Variants in CDH4 observed in about 807,000 individuals in gnomAD.
CDH4 encodes the protein cadherin-4.
A neutral mutation model predicts 86.0 loss-of-function variants in CDH4; 33 were observed. The observed-to-expected ratio is 0.38, with a 90% CI of 0.29 to 0.51. The LOEUF (loss-of-function observed/expected upper bound fraction) is 0.51, where lower values mean the gene tolerates loss of function less well. CDH4 is among the 20% of genes least tolerant of loss of function. The pLI is 0.86. For missense variants in CDH4, 1,114 were observed against 1,307.4 expected (o/e 0.85, Z 2.28); for synonymous variants, 555 against 549.4 (o/e 1.01, Z -0.14).
chr20:61,702,822 C>A (rs556417528), intron 2 of CDH4, among the ~76,000 whole-genome samples: 2 of 152,294 alleles, frequency 1.3e-5, no homozygotes, highest in East Asian at 3.9e-4. Context: ...TGCAATTAAT[C>A]TGCTGTTCCA....
intron 2 of CDH4, among the ~76,000 whole-genome samples, chr20:61,608,261 C>A (rs1048516415): frequency 6.6e-6 from 1 of 152,134 alleles, no homozygotes; most frequent in African/African-American, 2.4e-5. Flanking sequence ...ATTTCTAAGC[C>A]ACGCAGGTTG....
rs2085704163 is a variant in CDH4 at position 61,501,907 on chromosome 20, G to C, written c.170-241656G>C. On this transcript the variant is annotated intron_variant, in intron 2 of 15. Transcript: ENST00000614565. The surrounding 1 kb of genome is among the most constrained non-coding windows in gnomAD (Gnocchi z 4.2). ...CGAGAACATGTTCTCCACTCCCCCAGCTCCTCTGAGGAATGCCTGAGTGAG... is the reference window on the plus strand; with the variant it reads ...CGAGAACATGTTCTCCACTCCCCCACCTCCTCTGAGGAATGCCTGAGTGAG... Among the ~76,000 whole-genome samples the C allele has an allele frequency of 6.6e-6, 1 of 152,160 alleles. No individual in the cohort carries two copies. Among genetic ancestry groups the C allele is most frequent in the South Asian group, 2.1e-4 (1 of 4,824 alleles).
chr20:61,502,052 A>C (rs2427138), intron 2 of CDH4, among the ~76,000 whole-genome samples: 149,491 of 151,168 alleles, frequency 0.99, 73,919 homozygotes, highest in East Asian at 1. Context: ...ATGATCTTTC[A>C]TGGTCAAACT....
At chr20:61,935,715 C>T (rs1275098812) in intron 15 of CDH4, among the ~76,000 whole-genome samples, 1 of 152,152 alleles carries the variant, frequency 6.6e-6, no homozygotes, top group Non-Finnish European at 1.5e-5. Flanking sequence ...GTGAGACCCC[C>T]GTCTCTACTA....
At chr20:61,484,298 A>G (rs1033570639) in intron 2 of CDH4, among the ~76,000 whole-genome samples, 12 of 152,106 alleles carry the variant, frequency 7.9e-5, no homozygotes, top group Admixed American at 2.0e-4. Context: ...CTGAAATGCA[A>G]ATATGCACTC....
chr20:61,293,522 C>A (rs2084335005), intron 2 of CDH4, among the ~76,000 whole-genome samples: 3 of 152,134 alleles, frequency 2.0e-5, no homozygotes, highest in South Asian at 4.1e-4. Flanking sequence ...CTGGACTGGT[C>A]CTGGGGACAA....
chr20:61,845,601 G>T (rs560850493), intron 5 of CDH4, among the ~76,000 whole-genome samples: 295 of 152,362 alleles, frequency 1.9e-3, no homozygotes, highest in Non-Finnish European at 3.2e-3. Flanking sequence ...GTCACACCCC[G>T]ACCTGCCCCT....
At chr20:61,688,318 C>T (rs2087611617) in intron 2 of CDH4, among the ~76,000 whole-genome samples, 2 of 151,982 alleles carry the variant, frequency 1.3e-5, no homozygotes, top group Admixed American at 1.3e-4. Context: ...TCCCACCTTC[C>T]TCCTCCCTCC....
At chr20:61,707,303 G>A (rs891330187) in intron 2 of CDH4, among the ~76,000 whole-genome samples, 14 of 152,264 alleles carry the variant, frequency 9.2e-5, no homozygotes, top group Admixed American at 2.0e-4. Context: ...GACAAGGAAA[G>A]GCCCAACTCT....
At chr20:61,404,562 C>T (rs926106985) in intron 2 of CDH4, among the ~76,000 whole-genome samples, 6 of 152,088 alleles carry the variant, frequency 3.9e-5, no homozygotes, top group African/African-American at 1.2e-4. Context: ...CCCGACGCCA[C>T]TTGCATTGAG....
At chr20:61,273,743 G>T (rs1042723958) in intron 2 of CDH4, among the ~76,000 whole-genome samples, 1 of 150,352 alleles carries the variant, frequency 6.7e-6, no homozygotes, top group African/African-American at 2.5e-5. Flanking sequence ...GAAGTACCAT[G>T]GGCAGTTTGG....
At position 61,938,472 on chromosome 20, in the gene CDH4, G is replaced by A. The variant is rs1408193867; in HGVS notation, c.*1529G>A. On this transcript the variant is annotated 3_prime_UTR_variant, in exon 16 of 16. Transcript: ENST00000614565. The stretch of plus-strand genomic sequence containing the variant: ...AAGCCTCGTGCTTGGTCAGCTTTCT[G>A]TCTCTCCCAGGCCAGTGACAACTGG... 2 of 152,514 alleles carry A rather than the reference G, an allele frequency of 1.3e-5. No homozygotes were observed. Among genetic ancestry groups the A allele is most frequent in the African/African-American group, 2.4e-5 (1 of 41,484 alleles). 9.4% of individuals were successfully genotyped at this position (152,514 alleles called of 1,614,324 possible).
chr20:61,853,776 G>A (rs979265341), intron 6 of CDH4, among the ~76,000 whole-genome samples: 4 of 152,150 alleles, frequency 2.6e-5, no homozygotes, highest in Non-Finnish European at 5.9e-5. Flanking sequence ...AAACCCCAGG[G>A]GGCTTCTGTG....
chr20:61,439,329 T>C (rs1202700691), intron 2 of CDH4, among the ~76,000 whole-genome samples: 1 of 148,974 alleles, frequency 6.7e-6, no homozygotes, highest in African/African-American at 2.5e-5. Context: ...CTCAGAGGCG[T>C]CAAACAGCTG....
chr20:61,619,796 C>T (rs1415143775), intron 2 of CDH4, among the ~76,000 whole-genome samples: 3 of 152,224 alleles, frequency 2.0e-5, no homozygotes, highest in Non-Finnish European at 4.4e-5. Context: ...CAGGAACCTA[C>T]ACAACAGGGA....
At chr20:61,511,912 C>T (rs1393714220) in intron 2 of CDH4, among the ~76,000 whole-genome samples, 1 of 152,190 alleles carries the variant, frequency 6.6e-6, no homozygotes, top group Non-Finnish European at 1.5e-5. Context: ...AAAATTCTTA[C>T]ATTCCTGATA....
At chr20:61,387,441 G>C (rs62642813) in intron 2 of CDH4, among the ~76,000 whole-genome samples, 37,116 of 148,620 alleles carry the variant, frequency 0.25, 4,917 homozygotes, top group African/African-American at 0.35. Flanking sequence ...CACACAAACA[G>C]AGAAACACAC....
At position 61,600,249 on chromosome 20, in the gene CDH4, G is replaced by A. The variant is rs142651601; in HGVS notation, c.170-143314G>A. Among the ~76,000 whole-genome samples, 479 of 152,318 alleles carry A rather than the reference G, an allele frequency of 3.1e-3. 10 individuals are homozygous for A. The highest frequency in any genetic ancestry group is 0.028 in the Admixed American group (423 of 15,300). ...GAATGTTATGGAGACAGAGGGTGTC[G>A]GGGTCAATGATCACCTGGATTCCGG... On this transcript the variant is annotated intron_variant, in intron 2 of 15. Transcript: ENST00000614565.
At chr20:61,344,692 C>A (rs2084667563) in intron 2 of CDH4, among the ~76,000 whole-genome samples, 1 of 152,096 alleles carries the variant, frequency 6.6e-6, no homozygotes, top group African/African-American at 2.4e-5. Context: ...ATTGATTTTT[C>A]TTTGTGATTT....
Sources: allele counts gnomAD v4.1 joint callset (sites outside exome capture counted in the v4.1 genomes callset), GRCh38; gene constraint gnomAD v4.1.1; non-coding constraint Gnocchi (gnomAD v3.1); transcripts MANE v1.5; gene names NCBI Gene and HGNC (gene_info 2026-07-23, HGNC 2026-07-21).